DNAH11: variants seen among roughly 807,000 people sequenced by gnomAD.
DNAH11 encodes axonemal beta dynein heavy chain 11.
A neutral mutation model predicts 526.0 loss-of-function variants in DNAH11; 442 were observed. The ratio of observed to expected loss-of-function variants is 0.84; its 90% CI spans 0.78 to 0.91. DNAH11 has a LOEUF of 0.91. Among genes scored for constraint, DNAH11 ranks in the 40% least tolerant of loss-of-function variants. DNAH11 has a pLI of 0.00. For missense variants in DNAH11, 6,989 were observed against 5,448.7 expected (o/e 1.28, Z -8.90); for synonymous variants, 2,461 against 1,935.9 (o/e 1.27, Z -7.12).
intron 20 of DNAH11, among the ~76,000 whole-genome samples, chr7:21,609,325 C>G (rs1158759877): frequency 1.3e-5 from 2 of 152,158 alleles, no homozygotes; most frequent in African/African-American, 4.8e-5. Context: ...AAGCAATTCT[C>G]CTGCCTCAAC....
intron 20 of DNAH11, among the ~76,000 whole-genome samples, chr7:21,613,487 G>A (rs1025595815): frequency 6.6e-6 from 1 of 151,790 alleles, no homozygotes; most frequent in Non-Finnish European, 1.5e-5. Flanking sequence ...TAAAAGAATT[G>A]CAGTTCTTGT....
intron 35 of DNAH11, among the ~76,000 whole-genome samples, chr7:21,693,203 C>G (rs531152463): frequency 2.6e-5 from 4 of 152,084 alleles, no homozygotes; most frequent in Non-Finnish European, 5.9e-5. Flanking sequence ...CTTTTATAAG[C>G]TTTGTTGTTC....
At chr7:21,653,122 C>T (rs1285542066) in intron 28 of DNAH11, among the ~76,000 whole-genome samples, 1 of 152,168 alleles carries the variant, frequency 6.6e-6, no homozygotes, top group East Asian at 1.9e-4. Flanking sequence ...GTGATCCACC[C>T]GCCTTGGCCT....
rs4995598 is a variant in DNAH11 at position 21,867,840 on chromosome 7, A to G, written c.11691-19A>G. 1,069,814 of 1,554,006 alleles carry G rather than the reference A, an allele frequency of 0.69. 381,359 individuals carry two copies. The highest frequency in any genetic ancestry group is 0.75 in the Non-Finnish European group (856,609 of 1,147,538). On this transcript the variant is annotated intron_variant, in intron 71 of 81. Coordinates refer to ENST00000409508, the MANE Select transcript of DNAH11 (RefSeq NM_001277115.2). ...GGTCAAAACCACTGATCATGTTTTT[A>G]TATTCTTGTTTTTTATAGAAATTTT... is the stretch of plus-strand genomic sequence containing the variant.
intron 27 of DNAH11, 126 bp from the exon 28 acceptor site, chr7:21,638,813 G>T: frequency 8.7e-7 from 1 of 1,143,724 alleles, no homozygotes; most frequent in African/African-American, 1.6e-5. Flanking sequence ...AAAGAAGGAA[G>T]TAAGCTACCT....
At chr7:21,560,201 A>G (rs1425204225) in intron 4 of DNAH11, among the ~76,000 whole-genome samples, 3 of 152,212 alleles carry the variant, frequency 2.0e-5, no homozygotes, top group Non-Finnish European at 4.4e-5. Context: ...TTAAGGTTCT[A>G]AAAGTTAAGA....
rs377518797 is a variant in DNAH11 at position 21,765,538 on chromosome 7, G to T, written c.9051G>T (p.Glu3017Asp). 6.2e-7 allele frequency: 1 copy of T among 1,610,180 alleles called. No homozygotes were observed. Reference sequence around the variant, plus strand: ...ACTGGTTTCATGCGTGGCCGCAGGAGGCTCTGGTCTCCGTCAGCAGGAGGT... The same window carrying T: ...ACTGGTTTCATGCGTGGCCGCAGGATGCTCTGGTCTCCGTCAGCAGGAGGT... Reference protein sequence around the residue: ...AIDWFHAWPQEALVSVSRRFI... With the variant: ...AIDWFHAWPQDALVSVSRRFI... The change falls in exon 55 of 82, where the codon GAG (glutamate) becomes GAT (aspartate). Residue 3017 changes from glutamate to aspartate, a missense_variant. By Grantham distance (45) the Glu-to-Asp change is conservative. Transcript: ENST00000409508.
chr7:21,801,472 G>GA (rs1243500734), intron 62 of DNAH11, among the ~76,000 whole-genome samples, 197 bp downstream of exon 62: 1 of 152,136 alleles, frequency 6.6e-6, no homozygotes, highest in African/African-American at 2.4e-5. Flanking sequence ...TTATAGTCCT[G>GA]AACTCAATGT....
chr7:21,605,567 T>G (rs1434954929), intron 18 of DNAH11, among the ~76,000 whole-genome samples: 2 of 152,174 alleles, frequency 1.3e-5, no homozygotes, highest in African/African-American at 4.8e-5. Flanking sequence ...CTTCAAAAAC[T>G]CCTAGTCCCC....
intron 30 of DNAH11, among the ~76,000 whole-genome samples, chr7:21,663,102 C>T (rs1004158906): frequency 6.6e-6 from 1 of 152,106 alleles, no homozygotes; most frequent in African/African-American, 2.4e-5. Context: ...TCACTTGTTT[C>T]ACTGATGATA....
At chr7:21,778,550 T>C (rs1460541297) in intron 56 of DNAH11, among the ~76,000 whole-genome samples, 1 of 152,068 alleles carries the variant, frequency 6.6e-6, no homozygotes, top group Non-Finnish European at 1.5e-5. Context: ...CCAGCAACCT[T>C]CTGTTGGACA....
rs115598432 is a variant in DNAH11, at chr7:21,735,803, G to C, written c.7604G>C (p.Arg2535Pro). 3.1e-6 allele frequency: 5 copies of C among 1,613,726 alleles called. No homozygotes were observed. The highest frequency in any genetic ancestry group is 2.5e-6 in the Non-Finnish European group (3 of 1,179,742). Reference sequence around the variant, plus strand: ...CTCTCTGAGGATTACATAGTATCCCGTGTGCCTTTCAACTACTACACGACA... The same window carrying C: ...CTCTCTGAGGATTACATAGTATCCCCTGTGCCTTTCAACTACTACACGACA... Reference protein sequence around the residue: ...ASLSEDYIVSRVPFNYYTTST... With the variant: ...ASLSEDYIVSPVPFNYYTTST... The change falls in exon 46 of 82, where the codon CGT (arginine) becomes CCT (proline). Residue 2535 changes from arginine to proline, a missense_variant. Physicochemically the swap from Arg to Pro is moderately radical, Grantham distance 103. Transcript: ENST00000409508.
intron 18 of DNAH11, among the ~76,000 whole-genome samples, chr7:21,602,724 A>G (rs1244692754): frequency 6.6e-6 from 1 of 152,126 alleles, no homozygotes; most frequent in Non-Finnish European, 1.5e-5. Flanking sequence ...ATTTGTTTTC[A>G]AGTACTGTAT....
intron 63 of DNAH11, among the ~76,000 whole-genome samples, chr7:21,809,658 G>A (rs1035795049): frequency 6.6e-6 from 1 of 151,996 alleles, no homozygotes; most frequent in African/African-American, 2.4e-5. Flanking sequence ...CCGCCCCCGA[G>A]GTTCAAGTGA....
chr7:21,676,475 A>G (rs1051456487), intron 30 of DNAH11, among the ~76,000 whole-genome samples: 1 of 152,210 alleles, frequency 6.6e-6, no homozygotes, highest in Non-Finnish European at 1.5e-5. Context: ...TTATAACTAC[A>G]TTATATAACT....
chr7:21,591,043 A>C (rs767377299), intron 13 of DNAH11, 21 bp downstream of exon 13: 2 of 1,448,464 alleles, frequency 1.4e-6, no homozygotes, highest in Non-Finnish European at 1.8e-6. Context: ...TTTGTTAAAA[A>C]AAAGATACTA....
rs143296985 is a variant in DNAH11 at position 21,625,676 on chromosome 7, G to C, written c.4500+5598G>C. On this transcript the variant is annotated intron_variant, in intron 25 of 81. Transcript: ENST00000409508. Reference sequence around the variant, plus strand: ...CTTAGAACTGGTTTTGCTGCATTCCGTAAGTTTTAGTATGTTGTGTTTCTG... The same window carrying C: ...CTTAGAACTGGTTTTGCTGCATTCCCTAAGTTTTAGTATGTTGTGTTTCTG... Among the ~76,000 whole-genome samples, 30 of 152,094 alleles carry C rather than the reference G, an allele frequency of 2.0e-4. No homozygotes were observed. The East Asian group carries it at 5.6e-3, about 28-fold the overall frequency.
intron 9 of DNAH11, among the ~76,000 whole-genome samples, chr7:21,583,593 TAAACTA>T (rs1784386723): frequency 6.6e-6 from 1 of 152,090 alleles, no homozygotes; most frequent in Admixed American, 6.5e-5. Context: ...GGGATCTAAT[TAAACTA>T]AAATGCGTCT....
rs142321202 is a variant in DNAH11, at chr7:21,629,772, T to C, written c.4501-6099T>C. Among the ~76,000 whole-genome samples, 26 of 152,252 alleles carry C rather than the reference T, an allele frequency of 1.7e-4. 1 individual carries two copies. The East Asian group carries it at 4.8e-3, about 28-fold the overall frequency. On this transcript the variant is annotated intron_variant, in intron 25 of 81. Transcript: ENST00000409508. ...TTTTTTGGTTTCTAGTTGCATGGTA[T>C]ATCATTTTCCACTCTTTCACTTTCA...
Sources: allele counts gnomAD v4.1 joint callset (sites outside exome capture counted in the v4.1 genomes callset), GRCh38; gene constraint gnomAD v4.1.1; transcripts MANE v1.5; gene names NCBI Gene and HGNC (gene_info 2026-07-23, HGNC 2026-07-21).